The following ADCY2 variants were observed in gnomAD, a reference collection of about 807,000 sequenced individuals.
ADCY2 encodes adenylate cyclase 2, also known as adenylate cyclase type 2.
A neutral mutation model predicts 125.2 loss-of-function variants in ADCY2; 31 were observed. That is an observed-to-expected ratio of 0.25 (90% CI 0.19 to 0.33). ADCY2 has a LOEUF of 0.33. Ranked by LOEUF, ADCY2 falls within the 10% of genes least tolerant of loss-of-function variation. The pLI is 1.00. For synonymous variants in ADCY2, 512 were observed against 548.4 expected (o/e 0.93, Z 0.93); for missense variants, 904 against 1,418.2 (o/e 0.64, Z 5.82).
Position 7,570,042 on chromosome 5 carries a change from A to G in ADCY2, c.570+49143A>G, listed in dbSNP as rs150323171. Among the ~76,000 whole-genome samples, 759 of 152,258 alleles carry G rather than the reference A, an allele frequency of 5.0e-3. 3 individuals are homozygous for G. Among genetic ancestry groups the G allele is most frequent in the Non-Finnish European group, 8.0e-3 (546 of 68,026 alleles). ...TGATTTTCTAAAAGGAAACTGATTGACTGAATGACTAGATTAAGGTCACAC... is the reference window on the plus strand; with the variant it reads ...TGATTTTCTAAAAGGAAACTGATTGGCTGAATGACTAGATTAAGGTCACAC... On this transcript the variant is annotated intron_variant, in intron 3 of 24. Transcript: ENST00000338316.
intron 3 of ADCY2, among the ~76,000 whole-genome samples, chr5:7,625,529 C>T (rs1386264441): frequency 6.6e-6 from 1 of 152,146 alleles, no homozygotes; most frequent in Non-Finnish European, 1.5e-5. Flanking sequence ...ATTATATGAA[C>T]ATGAATTGTT....
At chr5:7,790,360 T>C (rs1744215633) in intron 20 of ADCY2, among the ~76,000 whole-genome samples, 1 of 152,186 alleles carries the variant, frequency 6.6e-6, no homozygotes, top group Admixed American at 6.5e-5. Context: ...AGTCCATCCA[T>C]TAGAGTGGAT....
rs151022009 is a variant in ADCY2 at position 7,560,538 on chromosome 5, CT to C, written c.570+39642del. 8.1e-3 allele frequency among the ~76,000 whole-genome samples: 1,239 copies of C among 152,062 alleles called. 18 individuals are homozygous for C. Among genetic ancestry groups the C allele is most frequent in the African/African-American group, 0.028 (1,167 of 41,458 alleles). Reference sequence around the variant, plus strand: ...CTGCATTTTTTTAATAGTGTTGACCCTTTATGCACATGTCTGATATTCATGT... The same window carrying C: ...CTGCATTTTTTTAATAGTGTTGACCCTTATGCACATGTCTGATATTCATGT... On this transcript the variant is annotated intron_variant, in intron 3 of 24. Transcript: ENST00000338316.
At chr5:7,814,720 C>T (rs1745054508) in intron 22 of ADCY2, among the ~76,000 whole-genome samples, 1 of 152,120 alleles carries the variant, frequency 6.6e-6, no homozygotes, top group Non-Finnish European at 1.5e-5. Flanking sequence ...CTCACCCGTC[C>T]CTTCTGAGTC....
At chr5:7,554,510 T>C (rs1162570117) in intron 3 of ADCY2, among the ~76,000 whole-genome samples, 1 of 152,214 alleles carries the variant, frequency 6.6e-6, no homozygotes, top group East Asian at 1.9e-4. Flanking sequence ...GGTTTGGTTG[T>C]GCATTTCCAT....
intron 1 of ADCY2, among the ~76,000 whole-genome samples, chr5:7,406,333 C>T (rs1232469097): frequency 6.6e-6 from 1 of 152,176 alleles, no homozygotes; most frequent in Non-Finnish European, 1.5e-5. Context: ...GGTGTGGCTT[C>T]TGTGATCTGG....
intron 4 of ADCY2, among the ~76,000 whole-genome samples, chr5:7,645,603 A>G (rs1738867732): frequency 6.6e-6 from 1 of 152,198 alleles, no homozygotes; most frequent in Non-Finnish European, 1.5e-5. Context: ...AATCAAATAC[A>G]TTAATTTCTG....
intron 20 of ADCY2, among the ~76,000 whole-genome samples, chr5:7,791,082 G>A (rs1744236442): frequency 6.6e-6 from 1 of 152,020 alleles, no homozygotes; most frequent in African/African-American, 2.4e-5. Context: ...AGATTTCAGG[G>A]CCCACAAGGA....
At chr5:7,748,519 A>AACACACACACACAC (rs35989915) in intron 15 of ADCY2, among the ~76,000 whole-genome samples, 1 of 90,118 alleles carries the variant, frequency 1.1e-5, no homozygotes, top group African/African-American at 3.8e-5. Flanking sequence ...CCCACCCTCC[A>AACACACACACACAC]ACACACACAC....
chr5:7,558,052 G>A (rs1344832973), intron 3 of ADCY2, among the ~76,000 whole-genome samples: 2 of 140,782 alleles, frequency 1.4e-5, no homozygotes, highest in Non-Finnish European at 1.6e-5. Flanking sequence ...TTTGTTTTTG[G>A]TTTTATTTTT....
chr5:7,679,090 AG>A (rs1403469903), intron 4 of ADCY2, among the ~76,000 whole-genome samples: 20 of 152,364 alleles, frequency 1.3e-4, no homozygotes, highest in Non-Finnish European at 2.4e-4. Flanking sequence ...GGCAGAGTTC[AG>A]GAGCCATTAG....
At chr5:7,424,781 C>T (rs1292510022) in intron 2 of ADCY2, among the ~76,000 whole-genome samples, 1 of 152,170 alleles carries the variant, frequency 6.6e-6, no homozygotes, top group African/African-American at 2.4e-5. Context: ...ATGTATTAGG[C>T]AGCATTACTG....
At chr5:7,560,908 G>A (rs752637536) in intron 3 of ADCY2, among the ~76,000 whole-genome samples, 18 of 152,052 alleles carry the variant, frequency 1.2e-4, no homozygotes, top group Non-Finnish European at 2.2e-4. Flanking sequence ...GGCTGGTCTC[G>A]AACTCCTGAC....
chr5:7,805,337 A>T (rs116280981), intron 22 of ADCY2, among the ~76,000 whole-genome samples: 2,414 of 152,260 alleles, frequency 0.016, 66 homozygotes, highest in African/African-American at 0.055. Context: ...GAATTAAAAT[A>T]AAATAATGTG....
At chr5:7,803,980 C>T (rs1744679758) in intron 21 of ADCY2, among the ~76,000 whole-genome samples, 1 of 147,094 alleles carries the variant, frequency 6.8e-6, no homozygotes, top group African/African-American at 2.5e-5. Context: ...CGTATGGCTC[C>T]TCTTCTGTCC....
At chr5:7,421,436 G>A (rs770431601) in intron 2 of ADCY2, among the ~76,000 whole-genome samples, 21 of 152,286 alleles carry the variant, frequency 1.4e-4, no homozygotes, top group Non-Finnish European at 2.4e-4. Context: ...CTCTGCCTCC[G>A]TCTTCACGTG....
At chr5:7,565,254 C>T (rs1382295418) in intron 3 of ADCY2, among the ~76,000 whole-genome samples, 2 of 152,146 alleles carry the variant, frequency 1.3e-5, no homozygotes, top group Non-Finnish European at 2.9e-5. Context: ...TATTCAAGAG[C>T]CTTTCAAAGC....
rs180889936 is a variant in ADCY2 at position 7,534,254 on chromosome 5, C to G, written c.570+13355C>G. 1.7e-3 allele frequency among the ~76,000 whole-genome samples: 253 copies of G among 152,292 alleles called. 1 individual carries two copies. Among genetic ancestry groups the G allele is most frequent in the African/African-American group, 5.7e-3 (237 of 41,558 alleles). On this transcript the variant is annotated intron_variant, in intron 3 of 24. Coordinates refer to ENST00000338316, the MANE Select transcript of ADCY2 (RefSeq NM_020546.3). ...CCTGGGCACTGCTAGCTTTTGGTAGCCATCACACCCATGCTGGTGGCTGAG... is the reference window on the plus strand; with the variant it reads ...CCTGGGCACTGCTAGCTTTTGGTAGGCATCACACCCATGCTGGTGGCTGAG...
intron 2 of ADCY2, among the ~76,000 whole-genome samples, chr5:7,504,197 C>T (rs933902513): frequency 6.6e-5 from 10 of 152,142 alleles, no homozygotes; most frequent in Non-Finnish European, 1.2e-4. Context: ...TGTGTGCTCA[C>T]GGCTACCTCT....
Sources: allele counts gnomAD v4.1 joint callset (sites outside exome capture counted in the v4.1 genomes callset), GRCh38; gene constraint gnomAD v4.1.1; transcripts MANE v1.5; gene names NCBI Gene and HGNC (gene_info 2026-07-23, HGNC 2026-07-21).